TEK: variants seen among roughly 807,000 people sequenced by gnomAD.
TEK encodes TEK receptor tyrosine kinase, also known as angiopoietin-1 receptor.
In TEK, 43 loss-of-function variants were observed where a neutral mutation model predicts 131.8. That is an observed-to-expected ratio of 0.33 (90% CI 0.26 to 0.42). The LOEUF (loss-of-function observed/expected upper bound fraction) is 0.42. TEK is among the 10% of genes least tolerant of loss of function. TEK has a pLI of 1.00. For synonymous variants in TEK, 580 were observed against 491.6 expected (o/e 1.18, Z -2.38); for missense variants, 1,162 against 1,384.4 (o/e 0.84, Z 2.55).
intron 2 of TEK, among the ~76,000 whole-genome samples, chr9:27,161,119 G>GT (rs1430612459): frequency 6.6e-6 from 1 of 152,198 alleles, no homozygotes; most frequent in African/African-American, 2.4e-5. Flanking sequence ...AACATTGGGA[G>GT]TTAAAAACCC....
intron 1 of TEK, among the ~76,000 whole-genome samples, chr9:27,130,145 T>G (rs574473383): frequency 4.6e-5 from 7 of 152,238 alleles, no homozygotes; most frequent in Non-Finnish European, 1.0e-4. Context: ...ATAGTTTTAC[T>G]GGATCTTAGG....
chr9:27,114,535 C>A (rs1821472260), intron 1 of TEK, among the ~76,000 whole-genome samples: 1 of 151,528 alleles, frequency 6.6e-6, no homozygotes, highest in Non-Finnish European at 1.5e-5. Flanking sequence ...TATGCCACTG[C>A]ACTCGAGCCT....
intron 2 of TEK, among the ~76,000 whole-genome samples, chr9:27,160,115 C>T (rs570700622): frequency 1.3e-5 from 2 of 149,014 alleles, no homozygotes; most frequent in South Asian, 2.1e-4. Context: ...CTTGACCTCC[C>T]GGGCTCATGC....
intron 15 of TEK, among the ~76,000 whole-genome samples, chr9:27,208,533 C>A (rs1170589239): frequency 6.6e-6 from 1 of 152,204 alleles, no homozygotes; most frequent in Non-Finnish European, 1.5e-5. Flanking sequence ...TCCCATGCAA[C>A]TTCCATAAGA....
intron 6 of TEK, among the ~76,000 whole-genome samples, chr9:27,174,244 G>A (rs1824079826): frequency 6.6e-6 from 1 of 152,108 alleles, no homozygotes; most frequent in Non-Finnish European, 1.5e-5. Flanking sequence ...GAGCTCAAAG[G>A]CTTTTCAGTG....
rs1291682773 is a variant in TEK at position 27,217,828 on chromosome 9, T to A, written c.3062+70T>A. On this transcript the variant is annotated intron_variant, in intron 19 of 22. Coordinates refer to ENST00000380036, the MANE Select transcript of TEK (RefSeq NM_000459.5). ...AAACATATACATTTGACAGAGGTTT[T>A]AAAAAGATACAGGAATGTCCTGTAG... The A allele has an allele frequency of 5.2e-6, 7 of 1,358,798 alleles. No individual in the cohort carries two copies. In the African/African-American group the frequency reaches 1.0e-4, roughly 20 times the overall value. 84.2% of individuals were successfully genotyped at this position (1,358,798 alleles called of 1,614,324 possible).
chr9:27,149,240 A>G (rs1359673261), intron 1 of TEK, among the ~76,000 whole-genome samples: 1 of 152,230 alleles, frequency 6.6e-6, no homozygotes, highest in African/African-American at 2.4e-5. Flanking sequence ...AGACTAAAGC[A>G]TGGTAGGTAG....
intron 1 of TEK, among the ~76,000 whole-genome samples, chr9:27,121,178 T>A (rs1305815240): frequency 6.6e-6 from 1 of 151,564 alleles, no homozygotes; most frequent in Non-Finnish European, 1.5e-5. Context: ...AAAAAAAAAA[T>A]TAGCCAGGCG....
At chr9:27,136,818 T>C (rs1822466039) in intron 1 of TEK, among the ~76,000 whole-genome samples, 1 of 152,164 alleles carries the variant, frequency 6.6e-6, no homozygotes, top group African/African-American at 2.4e-5. Flanking sequence ...ATTTGGATTA[T>C]ATTAAATTTA....
chr9:27,224,162 A>G (rs1191113412), intron 21 of TEK, among the ~76,000 whole-genome samples: 1 of 152,222 alleles, frequency 6.6e-6, no homozygotes, highest in Non-Finnish European at 1.5e-5. Context: ...ACGGATCCAC[A>G]GCTGAATTCT....
chr9:27,133,916 G>T (rs188094950), intron 1 of TEK, among the ~76,000 whole-genome samples: 1 of 152,350 alleles, frequency 6.6e-6, no homozygotes, highest in Admixed American at 6.5e-5. Context: ...GACAAAGACA[G>T]CCCAGAGCTG....
intron 9 of TEK, among the ~76,000 whole-genome samples, chr9:27,189,859 GAT>G (rs924339908): frequency 2.6e-5 from 4 of 151,424 alleles, no homozygotes; most frequent in Admixed American, 6.6e-5. Context: ...GAAAGAGAGA[GAT>G]ATATATATAT....
intron 21 of TEK, among the ~76,000 whole-genome samples, chr9:27,223,850 A>G (rs1455085762): frequency 2.6e-5 from 4 of 151,972 alleles, no homozygotes; most frequent in Non-Finnish European, 5.9e-5. Flanking sequence ...TTGAAAAGAT[A>G]ACAAAATAGA....
intron 1 of TEK, among the ~76,000 whole-genome samples, chr9:27,111,656 T>A (rs1821353028): frequency 1.3e-5 from 2 of 152,164 alleles, no homozygotes; most frequent in Non-Finnish European, 2.9e-5. Flanking sequence ...TCCTAGATTC[T>A]GTTGCTTTCC....
chr9:27,220,725 C>CATGACGAAT (rs1245403552), intron 21 of TEK, among the ~76,000 whole-genome samples: 1 of 152,190 alleles, frequency 6.6e-6, no homozygotes, highest in Non-Finnish European at 1.5e-5. Flanking sequence ...GGGACGGTGC[C>CATGACGAAT]ATGACGAATG....
At chr9:27,152,864 A>C (rs1037461562) in intron 1 of TEK, among the ~76,000 whole-genome samples, 1 of 152,172 alleles carries the variant, frequency 6.6e-6, no homozygotes, top group Admixed American at 6.6e-5. Flanking sequence ...AAATATTCCC[A>C]TGTCTTAGTT....
In TEK at chr9:27,229,578, C is replaced by T; in HGVS notation, c.*346C>T. ...TTGTCCTAGATATTTTGATATTTAC[C>T]TTTATGTTGAATGCTATTAAATGTT... On this transcript the variant is annotated 3_prime_UTR_variant, in exon 23 of 23. Coordinates refer to ENST00000380036, the MANE Select transcript of TEK (RefSeq NM_000459.5). 1 of 304,756 alleles carries T rather than the reference C, an allele frequency of 3.3e-6. No individual in the cohort carries two copies. Among genetic ancestry groups the T allele is most frequent in the South Asian group, 4.1e-5 (1 of 24,518 alleles). The allele number at this position is 304,756 out of a possible 1,614,324, so 18.9% of individuals were successfully genotyped here. A position where few individuals can be genotyped will look rare whatever the true frequency, so the allele number is the denominator to read the frequency against.
chr9:27,148,966 T>C (rs917559519), intron 1 of TEK, among the ~76,000 whole-genome samples: 1 of 152,214 alleles, frequency 6.6e-6, no homozygotes, highest in Non-Finnish European at 1.5e-5. Context: ...CTTCATGACA[T>C]TGGATGGCCA....
At chr9:27,183,663 G>T in intron 8 of TEK, 53 bp downstream of exon 8, 1 of 1,600,744 alleles carries the variant, frequency 6.2e-7, no homozygotes, top group Admixed American at 1.7e-5. Context: ...CTTCAGTGTA[G>T]TAATCACCCC....
Sources: gnomAD v4.1 joint callset for allele counts (sites outside exome capture counted in the v4.1 genomes callset) on GRCh38, gnomAD v4.1.1 for gene constraint, MANE v1.5 for transcripts, NCBI Gene and HGNC (gene_info 2026-07-23, HGNC 2026-07-21) for gene names.